The following AIFM1 variants were observed in gnomAD, a reference collection of about 807,000 sequenced individuals.
The protein encoded by AIFM1 is apoptosis inducing factor mitochondria associated 1.
A neutral mutation model predicts 51.7 loss-of-function variants in AIFM1; 3 were observed. The observed-to-expected ratio is 0.06, with a 90% CI of 0.03 to 0.15. The LOEUF (loss-of-function observed/expected upper bound fraction) is 0.15. Ranked by LOEUF, AIFM1 falls within the 10% of genes least tolerant of loss-of-function variation. The pLI, the probability that AIFM1 is intolerant of heterozygous loss-of-function variation, is 1.00. For missense variants in AIFM1, 330 were observed against 476.8 expected (o/e 0.69, Z 2.87); for synonymous variants, 178 against 179.4 (o/e 0.99, Z 0.06).
At chrX:130,152,860 A>C (rs1381366714) in intron 2 of AIFM1, among the ~76,000 whole-genome samples, 1 of 112,248 alleles carries the variant, frequency 8.9e-6, no homozygotes, top group Non-Finnish European at 1.9e-5. Flanking sequence ...TCAATTTAGT[A>C]GGCTGCAACC....
chrX:130,161,415 G>A (rs1283497078), intron 1 of AIFM1, among the ~76,000 whole-genome samples: 2 of 105,534 alleles, frequency 1.9e-5, no homozygotes, highest in African/African-American at 6.9e-5. Context: ...GGAGGCTGAG[G>A]CAGGAGAATC....
chrX:130,145,710 G>A (rs2030726633), intron 5 of AIFM1, 141 bp from the exon 6 acceptor site: 1 of 502,203 alleles, frequency 2.0e-6, no homozygotes. Flanking sequence ...ATTAAATCAT[G>A]GTCATGACTT....
In AIFM1 at chrX:130,152,461, G is replaced by C. The variant is rs2031018235; in HGVS notation, c.250-2893C>G. On this transcript the variant is annotated intron_variant, in intron 2 of 15. Coordinates refer to ENST00000287295, the MANE Select transcript of AIFM1 (RefSeq NM_004208.4). Reference sequence around the variant, plus strand: ...CATGAATACATGTCAGGTTAAGAAAGACTACAAATTTATGAAAAATATTAG... The same window carrying C: ...CATGAATACATGTCAGGTTAAGAAACACTACAAATTTATGAAAAATATTAG... Among the ~76,000 whole-genome samples the C allele has an allele frequency of 3.6e-5, 4 of 112,224 alleles. No individual in the cohort carries two copies. The South Asian group carries it at 1.5e-3, about 41-fold the overall frequency.
chrX:130,148,723 C>T (rs1202372444), intron 3 of AIFM1, among the ~76,000 whole-genome samples: 4 of 102,751 alleles, frequency 3.9e-5, no homozygotes, highest in Non-Finnish European at 7.8e-5. Context: ...ATCCTAGCTA[C>T]TCCAGAGGCT....
At position 130,136,403 on chromosome X, in the gene AIFM1, C is replaced by T. The variant is rs72614138; in HGVS notation, c.1165-218G>A. Among the ~76,000 whole-genome samples the T allele has an allele frequency of 1.2e-4, 14 of 112,308 alleles. No homozygotes were observed. The East Asian group carries it at 4.0e-3, about 32-fold the overall frequency. On this transcript the variant is annotated intron_variant, in intron 11 of 15. Transcript: ENST00000287295. ...TTCGAACAGAAATCTGCCACCCTAG[C>T]CAGGACTCAAAACTCTGTGAGACAG...
chrX:130,155,129 A>G, intron 2 of AIFM1: 1 of 1,209,882 alleles, frequency 8.3e-7, no homozygotes. Context: ...CCCTACCCCA[A>G]AATATGTTTT....
chrX:130,164,570 A>T (rs774347890), intron 1 of AIFM1, among the ~76,000 whole-genome samples: 1 of 112,321 alleles, frequency 8.9e-6, no homozygotes, highest in Non-Finnish European at 1.9e-5. Flanking sequence ...CAACTCCTAC[A>T]GGTGGATCAT....
At position 130,140,537 on chromosome X, in the gene AIFM1, T is replaced by A; in HGVS notation, c.777A>T (p.Ala259=). The A allele has an allele frequency of 8.3e-7, 1 of 1,208,379 alleles. No individual in the cohort carries two copies. The highest frequency in any genetic ancestry group is 3.0e-5 in the East Asian group (1 of 33,848). ...GCCATCTCCAGAAATGCTCACCTGT[T>A]GCAATCAAGCACTTTTCATAGGTTA... ...SQITYEKCLI[A]TGGTPRSLSA... The change falls in exon 7 of 16, where the codon GCA becomes GCT. Residue 259 remains alanine (A), a synonymous_variant. Coordinates refer to ENST00000287295, the MANE Select transcript of AIFM1 (RefSeq NM_004208.4).
intron 3 of AIFM1, among the ~76,000 whole-genome samples, chrX:130,148,466 T>TATAC (rs1453861525): frequency 9.0e-6 from 1 of 111,451 alleles, no homozygotes; most frequent in African/African-American, 3.3e-5. Flanking sequence ...GGAAAGCAAA[T>TATAC]ATACCTTTAG....
rs752263265 is a variant in AIFM1, at chrX:130,156,505, A to C, written c.205T>G (p.Leu69Val). ...ASGGKIDNSV[L>V]VLIVGLSTVG... ...GTTGATAAGCCCACAATAAGGACTA[A>C]CACAGAATTATCGATTTTGCCCCCT... Residue 69 changes from leucine to valine, a missense_variant, in exon 2 of 16, where the codon TTA (leucine) becomes GTA (valine). Leu to Val is a conservative substitution (Grantham distance 32, BLOSUM62 1). Around this residue, in one of 4 missense-constraint regions of AIFM1, gnomAD observed 110 missense variants for 103.1 expected, o/e 1.07. Coordinates refer to ENST00000287295, the MANE Select transcript of AIFM1 (RefSeq NM_004208.4). 3 of 1,211,838 alleles carry C rather than the reference A, an allele frequency of 2.5e-6. No homozygotes were observed. Among genetic ancestry groups the C allele is most frequent in the Non-Finnish European group, 3.4e-6 (3 of 895,520 alleles).
At chrX:130,153,650 T>C (rs1414656229) in intron 2 of AIFM1, among the ~76,000 whole-genome samples, 2 of 110,887 alleles carry the variant, frequency 1.8e-5, no homozygotes, top group Non-Finnish European at 3.8e-5. Flanking sequence ...CCTAATCAGA[T>C]AGAGCTGGAG....
intron 1 of AIFM1, among the ~76,000 whole-genome samples, chrX:130,157,681 T>C (rs1449534866): frequency 9.0e-6 from 1 of 110,856 alleles, no homozygotes; most frequent in Non-Finnish European, 1.9e-5. Context: ...GTTTAAAAAA[T>C]GTAGGTCAGG....
At position 130,141,138 on chromosome X, in the gene AIFM1, A is replaced by C. The variant is rs1360924500; in HGVS notation, c.697-521T>G. Reference sequence around the variant, plus strand: ...CTCAAAAACAAAACAAAACAAAAAAACCCCAAAACCACAACAACAAAAACA... The same window carrying C: ...CTCAAAAACAAAACAAAACAAAAAACCCCCAAAACCACAACAACAAAAACA... On this transcript the variant is annotated intron_variant, in intron 6 of 15. Coordinates refer to ENST00000287295, the MANE Select transcript of AIFM1 (RefSeq NM_004208.4). 7.2e-5 allele frequency among the ~76,000 whole-genome samples: 8 copies of C among 111,836 alleles called. No homozygotes were observed. The Admixed American group carries it at 7.6e-4, about 11-fold the overall frequency.
chrX:130,155,248 G>C (rs1337413920), intron 2 of AIFM1: 1 of 1,208,546 alleles, frequency 8.3e-7, no homozygotes, highest in Non-Finnish European at 1.1e-6. Flanking sequence ...GTAGATGCTA[G>C]TGATCTAGAA....
chrX:130,155,637 C>T (rs1408780038), intron 2 of AIFM1, among the ~76,000 whole-genome samples: 11 of 111,856 alleles, frequency 9.8e-5, no homozygotes, highest in Non-Finnish European at 1.9e-5. Flanking sequence ...AATTCATTGT[C>T]TTACCAATGT....
At chrX:130,150,957 G>A (rs2030945874) in intron 2 of AIFM1, among the ~76,000 whole-genome samples, 1 of 67,216 alleles carries the variant, frequency 1.5e-5, no homozygotes, top group African/African-American at 7.0e-5. Context: ...CAGCCTGGGC[G>A]ATAGAGTGAG....
In AIFM1 at chrX:130,130,077, C is replaced by T. The variant is rs201753098; in HGVS notation, c.1663G>A (p.Val555Ile). The change falls in exon 15 of 16, where the codon GTC becomes ATC. Residue 555 changes from valine to isoleucine, a missense_variant. Physicochemically the swap from Val to Ile is conservative, Grantham distance 29. Transcript: ENST00000287295. ...CCTTTGCCGTAGTCCTCCCCCTGGACGGGAGCCTGTGGAACTGCCGGGGTG... is the reference window on the plus strand; with the variant it reads ...CCTTTGCCGTAGTCCTCCCCCTGGATGGGAGCCTGTGGAACTGCCGGGGTG... ...PSTPAVPQAP[V>I]QGEDYGKGVI... 50 of 1,210,043 alleles carry T rather than the reference C, an allele frequency of 4.1e-5. No homozygotes were observed. The highest frequency in any genetic ancestry group is 2.3e-4 in the African/African-American group (13 of 57,212).
chrX:130,165,739 G>A lies in AIFM1; in HGVS notation c.-83C>T. 3.7e-6 allele frequency: 3 copies of A among 809,622 alleles called. No individual in the cohort carries two copies. Among genetic ancestry groups the A allele is most frequent in the Non-Finnish European group, 5.5e-6 (3 of 546,077 alleles). The allele number at this position is 809,622 out of a possible 1,213,427, so 66.7% of individuals were successfully genotyped here. On this transcript the variant is annotated 5_prime_UTR_variant, in exon 1 of 16. Transcript: ENST00000287295. ...GGTCAAACACCGTGAGCCCCGGCCA[G>A]CTCCCCCAGTCTCTTCACACGCACA...
At chrX:130,153,595 C>T (rs985541883) in intron 2 of AIFM1, among the ~76,000 whole-genome samples, 40 of 110,988 alleles carry the variant, frequency 3.6e-4, no homozygotes, top group African/African-American at 1.2e-3. Flanking sequence ...GGCAATGGGG[C>T]ATTGGGGAGG....
Sources: allele counts gnomAD v4.1 joint callset (sites outside exome capture counted in the v4.1 genomes callset), GRCh38; gene constraint gnomAD v4.1.1; regional missense constraint gnomAD v4.1.1; transcripts MANE v1.5; gene names NCBI Gene and HGNC (gene_info 2026-07-23, HGNC 2026-07-21).